The following EPM2A variants were observed in gnomAD, a reference collection of about 807,000 sequenced individuals.
EPM2A encodes laforin.
EPM2A carries 21 observed loss-of-function variants against 26.5 expected under a neutral mutation model. That is an observed-to-expected ratio of 0.79 (90% CI 0.56 to 1.14). EPM2A has a LOEUF of 1.14. Among genes scored for constraint, EPM2A ranks in the 50% most tolerant of loss-of-function variants. EPM2A has a pLI of 0.00. For missense variants in EPM2A, 458 were observed against 440.8 expected (o/e 1.04, Z -0.35); for synonymous variants, 217 against 177.6 (o/e 1.22, Z -1.76).
chr6:145,412,804 T>C (rs970229371), intron 4 of EPM2A, among the ~76,000 whole-genome samples: 9 of 152,174 alleles, frequency 5.9e-5, no homozygotes, highest in African/African-American at 2.2e-4. Flanking sequence ...TTGTCATAGT[T>C]GTATGGAACC....
At chr6:145,447,844 TGAA>T (rs966967108) in intron 4 of EPM2A, among the ~76,000 whole-genome samples, 3 of 152,118 alleles carry the variant, frequency 2.0e-5, no homozygotes, top group African/African-American at 4.8e-5. Flanking sequence ...AGAATTCAGC[TGAA>T]GAAGAAAGTG....
chr6:145,651,979 A>G (rs565052465), intron 2 of EPM2A, among the ~76,000 whole-genome samples: 1 of 152,302 alleles, frequency 6.6e-6, no homozygotes, highest in East Asian at 1.9e-4. Context: ...TGTTGTTCAT[A>G]AAAGAAGGAT....
At chr6:145,406,344 A>T (rs1778569091) in intron 4 of EPM2A, among the ~76,000 whole-genome samples, 1 of 152,158 alleles carries the variant, frequency 6.6e-6, no homozygotes, top group Admixed American at 6.6e-5. Flanking sequence ...TTCTTTTTAC[A>T]TACAAAAAAT....
chr6:145,548,314 A>C lies in EPM2A; in HGVS notation c.341-45739T>G, dbSNP rs889121059. On this transcript the variant is annotated intron_variant, in intron 2 of 3. Coordinates refer to the EPM2A transcript ENST00000450221. ...GAGACTCATGAGAAAATGTAGCCTC[A>C]AACATTTGCTCTCTAACTTCTATTA... is the stretch of plus-strand genomic sequence containing the variant. 1.1e-4 allele frequency among the ~76,000 whole-genome samples: 16 copies of C among 152,158 alleles called. 1 individual carries two copies. The highest frequency in any genetic ancestry group is 3.1e-4 in the African/African-American group (13 of 41,444).
chr6:145,537,665 C>T (rs1780450640), intron 2 of EPM2A, among the ~76,000 whole-genome samples: 1 of 148,988 alleles, frequency 6.7e-6, no homozygotes. Context: ...TACATGTGTC[C>T]TGGTGTTTTG....
At chr6:145,657,505 T>C (rs1778385901) in intron 2 of EPM2A, among the ~76,000 whole-genome samples, 1 of 152,258 alleles carries the variant, frequency 6.6e-6, no homozygotes, top group Non-Finnish European at 1.5e-5. Flanking sequence ...TTATTCTCAC[T>C]ATTAGATTCT....
rs146176491 is a variant in EPM2A, at chr6:145,644,287, T to C, written c.477-8801A>G. 3.0e-3 allele frequency among the ~76,000 whole-genome samples: 451 copies of C among 152,256 alleles called. 3 individuals are homozygous for C. The highest frequency in any genetic ancestry group is 0.01 in the African/African-American group (431 of 41,546). ...AGATGATTTTAAAATCTCTTTTGCC[T>C]TTTTTTCGTGAATTCCCAGTGAGCA... On this transcript the variant is annotated intron_variant, in intron 2 of 3. Coordinates refer to ENST00000367519, the MANE Select transcript of EPM2A (RefSeq NM_005670.4).
chr6:145,566,864 A>G (rs542135913), intron 2 of EPM2A, among the ~76,000 whole-genome samples: 1 of 152,238 alleles, frequency 6.6e-6, no homozygotes, highest in African/African-American at 2.4e-5. Flanking sequence ...GTAGTAAATT[A>G]GGAAAGAAAA....
chr6:145,631,608 C>G (rs1241002560), intron 3 of EPM2A: 1 of 152,174 alleles, frequency 6.6e-6, no homozygotes, highest in Non-Finnish European at 1.5e-5. Context: ...CTAAGCACTT[C>G]TAGCCTAACC....
At chr6:145,523,721 C>A (rs755486731) in intron 2 of EPM2A, among the ~76,000 whole-genome samples, 3 of 152,170 alleles carry the variant, frequency 2.0e-5, no homozygotes, top group Non-Finnish European at 4.4e-5. Context: ...CCTACAATGA[C>A]CTCTAAGTGT....
At chr6:145,574,451 A>T (rs73566721) in intron 2 of EPM2A, among the ~76,000 whole-genome samples, 10,206 of 152,200 alleles carry the variant, frequency 0.067, 1,147 homozygotes, top group African/African-American at 0.23. Context: ...ATTGTATTTC[A>T]ATTTTGTAGT....
chr6:145,514,565 C>T (rs992794961), intron 2 of EPM2A, among the ~76,000 whole-genome samples: 4 of 152,134 alleles, frequency 2.6e-5, no homozygotes, highest in Non-Finnish European at 5.9e-5. Context: ...AATACTATAA[C>T]AGTTATATTT....
intron 2 of EPM2A, among the ~76,000 whole-genome samples, chr6:145,518,287 A>G (rs1407361140): frequency 1.3e-5 from 2 of 152,216 alleles, no homozygotes; most frequent in Non-Finnish European, 2.9e-5. Context: ...TCAGAGAAGT[A>G]GAGAAATGCA....
intron 2 of EPM2A, among the ~76,000 whole-genome samples, chr6:145,656,524 G>A (rs1044267960): frequency 6.6e-6 from 1 of 152,226 alleles, no homozygotes; most frequent in African/African-American, 2.4e-5. Flanking sequence ...TAAGCAAAGT[G>A]TGGACACTGA....
intron 4 of EPM2A, among the ~76,000 whole-genome samples, chr6:145,483,159 T>C (rs1259260992): frequency 6.6e-6 from 1 of 152,078 alleles, no homozygotes; most frequent in Non-Finnish European, 1.5e-5. Flanking sequence ...AAACAGTGTC[T>C]TTTAGCATGA....
intron 4 of EPM2A, among the ~76,000 whole-genome samples, chr6:145,447,879 A>G (rs1158452947): frequency 6.6e-6 from 1 of 152,116 alleles, no homozygotes; most frequent in Non-Finnish European, 1.5e-5. Context: ...TAACAAATAA[A>G]TGTATTATTT....
At chr6:145,392,391 T>C (rs1356767198) in intron 4 of EPM2A, among the ~76,000 whole-genome samples, 1 of 152,172 alleles carries the variant, frequency 6.6e-6, no homozygotes, top group African/African-American at 2.4e-5. Context: ...GATTCCAACC[T>C]TGAGACAGAG....
intron 2 of EPM2A, among the ~76,000 whole-genome samples, chr6:145,547,275 C>A: frequency 6.6e-6 from 1 of 152,130 alleles, no homozygotes; most frequent in East Asian, 1.9e-4. Flanking sequence ...ATGTACTGTA[C>A]CCACTCCATC....
At chr6:145,583,432 G>T (rs761799080) in intron 2 of EPM2A, among the ~76,000 whole-genome samples, 5 of 152,078 alleles carry the variant, frequency 3.3e-5, no homozygotes, top group African/African-American at 1.2e-4. Flanking sequence ...TTCATGGCTC[G>T]GCTCAGCACT....
Sources: allele counts gnomAD v4.1 joint callset (sites outside exome capture counted in the v4.1 genomes callset), GRCh38; gene constraint gnomAD v4.1.1; transcripts MANE v1.5; gene names NCBI Gene and HGNC (gene_info 2026-07-23, HGNC 2026-07-21).